PDE11A: variants seen among roughly 807,000 people sequenced by gnomAD.
PDE11A encodes the protein dual 3',5'-cyclic-AMP and -GMP phosphodiesterase 11A.
A neutral mutation model predicts 100.5 loss-of-function variants in PDE11A; 100 were observed. That is an observed-to-expected ratio of 1.00 (90% CI 0.85 to 1.18). The LOEUF is 1.18. PDE11A is among the 50% of genes most tolerant of loss of function. PDE11A has a pLI of 0.00. For synonymous variants in PDE11A, 381 were observed against 420.8 expected (o/e 0.91, Z 1.16); for missense variants, 1,141 against 1,152.6 (o/e 0.99, Z 0.15).
intron 2 of PDE11A, among the ~76,000 whole-genome samples, chr2:177,980,251 T>C (rs1007085027): frequency 1.3e-5 from 2 of 149,482 alleles, no homozygotes; most frequent in Admixed American, 1.3e-4. Context: ...GATGAGTTAA[T>C]AGAAATCTAA....
chr2:178,072,913 C>A (rs1221066423), upstream of PDE11A: 2 of 985,194 alleles, frequency 2.0e-6, no homozygotes, highest in East Asian at 1.1e-4. Flanking sequence ...GGCTGCCAGG[C>A]GGTTCCTGGA....
chr2:177,675,300 G>T (rs369193378), intron 17 of PDE11A, among the ~76,000 whole-genome samples, 155 bp downstream of exon 17: 6 of 148,514 alleles, frequency 4.0e-5, no homozygotes, highest in African/African-American at 1.5e-4. Context: ...AAACTGTGTC[G>T]TGCCTAAGCC....
intron 5 of PDE11A, among the ~76,000 whole-genome samples, chr2:177,853,870 A>ATATAGATATCTATATATGTG (rs1558974372): frequency 6.9e-6 from 1 of 145,330 alleles, no homozygotes; most frequent in Non-Finnish European, 1.5e-5. Context: ...CTATATATGT[A>ATATAGATATCTATATATGTG]TATAGATATC....
At chr2:177,825,351 A>T (rs917656998) in intron 6 of PDE11A, among the ~76,000 whole-genome samples, 1 of 152,206 alleles carries the variant, frequency 6.6e-6, no homozygotes, top group Non-Finnish European at 1.5e-5. Flanking sequence ...GGTGAGGCTA[A>T]GGAATGGTGA....
intron 15 of PDE11A, among the ~76,000 whole-genome samples, chr2:177,695,460 A>G (rs2081097448): frequency 6.6e-6 from 1 of 152,178 alleles, no homozygotes; most frequent in South Asian, 2.1e-4. Context: ...TGAAATTTAA[A>G]TGTAACTGGA....
intron 2 of PDE11A, among the ~76,000 whole-genome samples, chr2:177,967,232 T>C (rs1327246615): frequency 6.7e-6 from 1 of 148,752 alleles, no homozygotes; most frequent in Non-Finnish European, 1.5e-5. Flanking sequence ...ACTCTCCCTG[T>C]GTCGCCCAGC....
At chr2:177,779,058 G>A (rs1457528749) in intron 9 of PDE11A, among the ~76,000 whole-genome samples, 1 of 152,078 alleles carries the variant, frequency 6.6e-6, no homozygotes, top group Non-Finnish European at 1.5e-5. Flanking sequence ...GGTTCCAGAC[G>A]ACCTCAATAA....
chr2:177,760,216 G>A (rs1466910405), intron 10 of PDE11A, among the ~76,000 whole-genome samples: 2 of 152,126 alleles, frequency 1.3e-5, no homozygotes, highest in East Asian at 1.9e-4. Context: ...CCTCAAGTGA[G>A]ATAATGGACA....
intron 12 of PDE11A, among the ~76,000 whole-genome samples, chr2:177,721,111 AT>A (rs1454230290): frequency 2.0e-5 from 3 of 152,270 alleles, no homozygotes; most frequent in African/African-American, 7.2e-5. Context: ...CTAAGGCTTA[AT>A]TTTTAACCTG....
intron 2 of PDE11A, among the ~76,000 whole-genome samples, chr2:177,984,634 C>G (rs1220468906): frequency 6.6e-6 from 1 of 152,118 alleles, no homozygotes; most frequent in Non-Finnish European, 1.5e-5. Context: ...ATAAAAGCTA[C>G]ACATGTTAAG....
intron 19 of PDE11A, among the ~76,000 whole-genome samples, chr2:177,636,150 CAA>C (rs886735907): frequency 1.2e-4 from 19 of 152,046 alleles, no homozygotes; most frequent in African/African-American, 4.3e-4. Flanking sequence ...GCCATACTAA[CAA>C]AAGAGAGGGA....
intron 18 of PDE11A, among the ~76,000 whole-genome samples, chr2:177,666,077 CT>C (rs1023804201): frequency 1.3e-5 from 2 of 152,094 alleles, no homozygotes; most frequent in African/African-American, 2.4e-5. Context: ...GTCATTCTCG[CT>C]TTTTTTCCGC....
chr2:178,066,601 T>A (rs902459588), intron 1 of PDE11A, among the ~76,000 whole-genome samples: 7 of 152,118 alleles, frequency 4.6e-5, no homozygotes, highest in Admixed American at 4.6e-4. Context: ...CCAGGTCACA[T>A]GGGCTGAGGG....
At chr2:177,745,875 G>A (rs552725059) in intron 10 of PDE11A, among the ~76,000 whole-genome samples, 2 of 152,294 alleles carry the variant, frequency 1.3e-5, no homozygotes, top group African/African-American at 2.4e-5. Context: ...GCTGCCAGCT[G>A]AGGAGACTAG....
intron 1 of PDE11A, among the ~76,000 whole-genome samples, chr2:178,046,181 A>G (rs1299294573): frequency 6.6e-6 from 1 of 152,226 alleles, no homozygotes; most frequent in Non-Finnish European, 1.5e-5. Flanking sequence ...TATTCCCAAT[A>G]AATACTGGCT....
chr2:177,993,384 T>A (rs1315055693), intron 2 of PDE11A, among the ~76,000 whole-genome samples: 6 of 149,880 alleles, frequency 4.0e-5, no homozygotes, highest in African/African-American at 1.0e-4. Context: ...AAAAAAAAAA[T>A]GTTTAGCTCT....
chr2:178,013,032 C>T (rs929634577), intron 2 of PDE11A, among the ~76,000 whole-genome samples: 3 of 152,300 alleles, frequency 2.0e-5, no homozygotes, highest in South Asian at 2.1e-4. Context: ...TTCTAAACAA[C>T]GTCCTCTCCT....
At chr2:178,030,706 T>A (rs2086535069) in intron 1 of PDE11A, among the ~76,000 whole-genome samples, 1 of 151,994 alleles carries the variant, frequency 6.6e-6, no homozygotes. Flanking sequence ...TGGAACACTG[T>A]CTCTATAAAA....
At chr2:177,943,174 C>T (rs2695107) in intron 2 of PDE11A, among the ~76,000 whole-genome samples, 111,930 of 152,156 alleles carry the variant, frequency 0.74, 41,503 homozygotes, top group East Asian at 0.79. Flanking sequence ...ATAATGCTGC[C>T]ATAAACATGG....
Sources: gnomAD v4.1 joint callset for allele counts (sites outside exome capture counted in the v4.1 genomes callset) on GRCh38, gnomAD v4.1.1 for gene constraint, MANE v1.5 for transcripts, NCBI Gene and HGNC (gene_info 2026-07-23, HGNC 2026-07-21) for gene names.